The following THSD7B variants were observed in gnomAD, a reference collection of about 807,000 sequenced individuals.
THSD7B encodes the protein thrombospondin type-1 domain-containing protein 7B.
THSD7B carries 138 observed loss-of-function variants against 213.6 expected under a neutral mutation model. The observed-to-expected ratio is 0.65, with a 90% CI of 0.56 to 0.74. The LOEUF (loss-of-function observed/expected upper bound fraction) is 0.74. THSD7B is among the 30% of genes least tolerant of loss of function. THSD7B has a pLI of 0.00. For synonymous variants in THSD7B, 742 were observed against 687.0 expected (o/e 1.08, Z -1.25); for missense variants, 1,931 against 1,991.5 (o/e 0.97, Z 0.58).
At position 137,401,222 on chromosome 2, in the gene THSD7B, G is replaced by A. The variant is rs186777715; in HGVS notation, c.2501-4391G>A. ...GTTTTTAAACTCTCTTTCCCCAGGA[G>A]TTGTGCAATGGAAGGGGCCTCTGAA... On this transcript the variant is annotated intron_variant, in intron 12 of 27. Coordinates refer to ENST00000409968, the MANE Select transcript of THSD7B (RefSeq NM_001316349.2). Among the ~76,000 whole-genome samples, 193 of 152,274 alleles carry A rather than the reference G, an allele frequency of 1.3e-3. 1 individual carries two copies. Among genetic ancestry groups the A allele is most frequent in the African/African-American group, 4.3e-3 (179 of 41,538 alleles).
chr2:136,825,576 A>G (rs1441574024), intron 1 of THSD7B, among the ~76,000 whole-genome samples: 1 of 151,724 alleles, frequency 6.6e-6, no homozygotes. Context: ...TTTTTTTTAG[A>G]CAGAGTCTTG....
intron 15 of THSD7B, among the ~76,000 whole-genome samples, chr2:137,521,399 T>C (rs1680181618): frequency 6.6e-6 from 1 of 152,068 alleles, no homozygotes; most frequent in African/African-American, 2.4e-5. Flanking sequence ...CACTCATGGG[T>C]AGAGAGATCT....
At chr2:137,017,730 G>C (rs1473179481) in intron 2 of THSD7B, among the ~76,000 whole-genome samples, 3 of 152,086 alleles carry the variant, frequency 2.0e-5, no homozygotes, top group Non-Finnish European at 4.4e-5. Context: ...AGTGCCATAT[G>C]ATGCCTTATT....
chr2:136,780,326 C>T (rs967762682), intron 1 of THSD7B, among the ~76,000 whole-genome samples: 1 of 152,080 alleles, frequency 6.6e-6, no homozygotes, highest in African/African-American at 2.4e-5. Flanking sequence ...CAGCAGCATC[C>T]ATCCATTCAT....
At chr2:136,940,726 T>TATATAA (rs1292706536) in intron 2 of THSD7B, among the ~76,000 whole-genome samples, 14 of 42,240 alleles carry the variant, frequency 3.3e-4, no homozygotes, top group African/African-American at 7.7e-4. Context: ...TATATATATA[T>TATATAA]AATATATATA....
intron 1 of THSD7B, among the ~76,000 whole-genome samples, chr2:136,868,282 T>C (rs1683378691): frequency 6.6e-6 from 1 of 152,350 alleles, no homozygotes; most frequent in South Asian, 2.1e-4. Flanking sequence ...GGATGTTTTC[T>C]TTCAAATAAC....
chr2:137,323,106 T>C (rs528112904), intron 12 of THSD7B, among the ~76,000 whole-genome samples: 26 of 152,226 alleles, frequency 1.7e-4, no homozygotes, highest in African/African-American at 6.3e-4. Flanking sequence ...AATGTGATAA[T>C]AGAGAAGTCA....
chr2:137,382,496 A>G (rs1015151382), intron 12 of THSD7B, among the ~76,000 whole-genome samples: 2 of 152,224 alleles, frequency 1.3e-5, no homozygotes, highest in East Asian at 1.9e-4. Context: ...TTTGGTCCCA[A>G]TGATGGAAGG....
intron 12 of THSD7B, among the ~76,000 whole-genome samples, chr2:137,294,505 C>A (rs1683409522): frequency 6.7e-6 from 1 of 149,330 alleles, no homozygotes; most frequent in Non-Finnish European, 1.5e-5. Context: ...ATCACTTGAA[C>A]CCGGGAGGCA....
intron 14 of THSD7B, among the ~76,000 whole-genome samples, chr2:137,449,429 G>A (rs2105064110): frequency 6.6e-6 from 1 of 152,308 alleles, no homozygotes; most frequent in African/African-American, 2.4e-5. Flanking sequence ...CAGTTTGCAT[G>A]GGGCAGAAAT....
intron 13 of THSD7B, among the ~76,000 whole-genome samples, chr2:137,410,148 T>A (rs2105010801): frequency 6.6e-6 from 1 of 152,316 alleles, no homozygotes; most frequent in Admixed American, 6.5e-5. Context: ...TTCATGGCTG[T>A]GGTGGAAGCT....
chr2:137,271,137 A>G (rs1553433939), intron 10 of THSD7B, among the ~76,000 whole-genome samples: 1 of 151,604 alleles, frequency 6.6e-6, no homozygotes, highest in Admixed American at 6.6e-5. Context: ...TATTATTTGT[A>G]CCAAACCTAC....
chr2:137,316,648 C>T (rs1684113468), intron 12 of THSD7B, among the ~76,000 whole-genome samples: 1 of 151,558 alleles, frequency 6.6e-6, no homozygotes, highest in Admixed American at 6.6e-5. Context: ...GTCCCAGCTA[C>T]TCAGGAAGCT....
intron 12 of THSD7B, among the ~76,000 whole-genome samples, chr2:137,317,251 A>G (rs1573957825): frequency 6.6e-6 from 1 of 152,220 alleles, no homozygotes. Context: ...ATGGGCAGTC[A>G]AGTCCTTTAT....
intron 20 of THSD7B, among the ~76,000 whole-genome samples, chr2:137,621,366 A>G (rs1471798192): frequency 2.0e-5 from 3 of 152,238 alleles, no homozygotes; most frequent in Non-Finnish European, 4.4e-5. Flanking sequence ...AGTCAGTCAC[A>G]TCTCAGCAAT....
intron 2 of THSD7B, among the ~76,000 whole-genome samples, chr2:137,043,220 T>G (rs1406386433): frequency 6.6e-6 from 1 of 152,268 alleles, no homozygotes; most frequent in Non-Finnish European, 1.5e-5. Flanking sequence ...TTATTTACTT[T>G]GAGCCCTTCC....
chr2:137,460,577 G>A (rs973475240), intron 15 of THSD7B, among the ~76,000 whole-genome samples: 29 of 152,024 alleles, frequency 1.9e-4, no homozygotes, highest in Non-Finnish European at 3.8e-4. Flanking sequence ...CTTCCTGTAT[G>A]GAAGCAGTCT....
chr2:137,075,972 C>T (rs1434351346), intron 3 of THSD7B, among the ~76,000 whole-genome samples: 1 of 152,110 alleles, frequency 6.6e-6, no homozygotes, highest in African/African-American at 2.4e-5. Context: ...AGTACCCGGC[C>T]GTGTAAGGTG....
At chr2:137,358,451 T>C (rs892854048) in intron 12 of THSD7B, among the ~76,000 whole-genome samples, 3 of 152,180 alleles carry the variant, frequency 2.0e-5, no homozygotes, top group Non-Finnish European at 4.4e-5. Context: ...TGTGAACTTA[T>C]TACACCTACT....
Sources: gnomAD v4.1 joint callset for allele counts (sites outside exome capture counted in the v4.1 genomes callset) on GRCh38, gnomAD v4.1.1 for gene constraint, MANE v1.5 for transcripts, NCBI Gene and HGNC (gene_info 2026-07-23, HGNC 2026-07-21) for gene names.